Variants in EXOC6B observed in about 807,000 individuals in gnomAD.
The protein encoded by EXOC6B is exocyst complex component 6B, also known as SEC15 homolog B.
A neutral mutation model predicts 113.5 loss-of-function variants in EXOC6B; 54 were observed. The ratio of observed to expected loss-of-function variants is 0.48; its 90% confidence interval spans 0.38 to 0.60. The LOEUF (loss-of-function observed/expected upper bound fraction) is 0.60. Among genes scored for constraint, EXOC6B ranks in the 20% least tolerant of loss-of-function variants. EXOC6B has a pLI of 0.00. For missense variants in EXOC6B, 797 were observed against 977.5 expected, an observed-to-expected ratio of 0.82 and a Z score of 2.46; for synonymous variants, 357 against 339.0, an observed-to-expected ratio of 1.05 and a Z score of -0.58.
intron 18 of EXOC6B, chr2:72,463,097 T>A (rs189801244): frequency 2.0e-5 from 3 of 152,262 alleles, no homozygotes; most frequent in South Asian, 2.1e-4. Context: ...CATATTTTTT[T>A]AAAATATCAA....
Position 72,178,367 on chromosome 2 carries a change from C to T in EXOC6B, c.*968G>A, listed in dbSNP as rs568773208. The T allele has an allele frequency of 6.6e-6, 1 of 152,316 alleles. No individual in the cohort carries two copies. The highest frequency in any genetic ancestry group is 3.4e-3 in the Middle Eastern group (1 of 294). The allele number at this position is 152,316 out of a possible 1,614,324, so 9.4% of individuals were successfully genotyped here. A position where few individuals can be genotyped will look rare whatever the true frequency, so the allele number is the denominator to read the frequency against. On this transcript the variant is annotated 3_prime_UTR_variant, in exon 22 of 22. Transcript: ENST00000272427. ...AATCCCAACTAATCCTCAGGTTACA[C>T]CTAAGGGTAAGGTAAAGGCCATTTT...
chr2:72,505,406 T>C (rs892682026), intron 11 of EXOC6B, among the ~76,000 whole-genome samples: 1 of 152,152 alleles, frequency 6.6e-6, no homozygotes, highest in Non-Finnish European at 1.5e-5. Context: ...TGAGACTGTT[T>C]GAAGGTCCAT....
intron 6 of EXOC6B, among the ~76,000 whole-genome samples, chr2:72,700,836 A>T (rs892535018): frequency 2.0e-5 from 3 of 152,194 alleles, no homozygotes; most frequent in African/African-American, 7.2e-5. Flanking sequence ...CTGTAATCCC[A>T]GCTACTCGGG....
chr2:72,295,522 G>C (rs932157131), intron 20 of EXOC6B, among the ~76,000 whole-genome samples: 11 of 152,098 alleles, frequency 7.2e-5, no homozygotes, highest in Non-Finnish European at 1.5e-4. Context: ...TTTTTCTGTT[G>C]CAAGTACTGA....
At chr2:72,374,857 C>T (rs1691256424) in intron 19 of EXOC6B, among the ~76,000 whole-genome samples, 1 of 149,630 alleles carries the variant, frequency 6.7e-6, no homozygotes, top group Non-Finnish European at 1.5e-5. Context: ...TTATAAATCA[C>T]CTAACCAACC....
chr2:72,390,058 C>A (rs2105107285), intron 18 of EXOC6B, among the ~76,000 whole-genome samples: 1 of 152,226 alleles, frequency 6.6e-6, no homozygotes, highest in South Asian at 2.1e-4. Flanking sequence ...GCACCCCAGC[C>A]TGGGTGACAG....
chr2:72,737,233 A>C (rs780606295), intron 2 of EXOC6B, among the ~76,000 whole-genome samples: 15 of 152,068 alleles, frequency 9.9e-5, no homozygotes, highest in Non-Finnish European at 1.6e-4. Context: ...GCTACTTGAG[A>C]GGCTGAGGCA....
intron 8 of EXOC6B, chr2:72,515,658 G>A: frequency 2.0e-6 from 2 of 989,038 alleles, no homozygotes; most frequent in Non-Finnish European, 1.2e-6. Flanking sequence ...AAGATTCCTG[G>A]TGCACAGCCC....
In EXOC6B at chr2:72,586,718, C is replaced by T. The variant is rs112926026; in HGVS notation, c.670-11050G>A. ...AGTGAGCTGAGATCGCGCCACTGCA[C>T]GCTAGCCTGGCGGCAGAGCAAGACT... is the stretch of plus-strand genomic sequence containing the variant. On this transcript the variant is annotated intron_variant, in intron 6 of 21. Coordinates refer to ENST00000272427, the MANE Select transcript of EXOC6B (RefSeq NM_015189.3). Among the ~76,000 whole-genome samples the T allele has an allele frequency of 2.2e-4, 34 of 151,794 alleles. 2 individuals are homozygous for T. The highest frequency in any genetic ancestry group is 6.5e-4 in the African/African-American group (27 of 41,366).
chr2:72,344,886 G>GA (rs1417012542), intron 19 of EXOC6B, among the ~76,000 whole-genome samples: 2 of 151,980 alleles, frequency 1.3e-5, no homozygotes, highest in African/African-American at 4.8e-5. Flanking sequence ...CAGAGGAGCA[G>GA]GAGCAAACAA....
At chr2:72,377,102 C>A (rs1317151526) in intron 19 of EXOC6B, among the ~76,000 whole-genome samples, 1 of 152,026 alleles carries the variant, frequency 6.6e-6, no homozygotes, top group African/African-American at 2.4e-5. Flanking sequence ...TGAAAAGATG[C>A]TTGGAATCAC....
chr2:72,400,278 A>G (rs1693052052), intron 18 of EXOC6B, among the ~76,000 whole-genome samples: 1 of 152,188 alleles, frequency 6.6e-6, no homozygotes, highest in Non-Finnish European at 1.5e-5. Context: ...TACAAACATT[A>G]ACTTAAGATG....
chr2:72,353,375 T>C (rs1689775366), intron 19 of EXOC6B, among the ~76,000 whole-genome samples: 1 of 151,896 alleles, frequency 6.6e-6, no homozygotes, highest in Non-Finnish European at 1.5e-5. Context: ...TTGTATTGTA[T>C]TGTATCGTAT....
intron 8 of EXOC6B, among the ~76,000 whole-genome samples, chr2:72,535,500 T>C (rs1362008253): frequency 6.6e-6 from 1 of 152,170 alleles, no homozygotes; most frequent in Non-Finnish European, 1.5e-5. Context: ...AAAACCACTT[T>C]TTGTGTGGCC....
intron 6 of EXOC6B, among the ~76,000 whole-genome samples, chr2:72,663,711 G>T (rs939701957): frequency 1.1e-4 from 16 of 150,402 alleles, no homozygotes; most frequent in African/African-American, 3.9e-4. Context: ...GAGGGGGAGG[G>T]ATGAAGAGGT....
intron 20 of EXOC6B, among the ~76,000 whole-genome samples, chr2:72,298,938 T>C (rs1686324094): frequency 6.6e-6 from 1 of 152,274 alleles, no homozygotes; most frequent in South Asian, 2.1e-4. Context: ...ATTTCAACCT[T>C]GGTGAATCTG....
chr2:72,359,004 C>T (rs1251747193), intron 19 of EXOC6B, among the ~76,000 whole-genome samples: 1 of 152,116 alleles, frequency 6.6e-6, no homozygotes, highest in Non-Finnish European at 1.5e-5. Context: ...TACCATATGG[C>T]GGGCACTATG....
intron 18 of EXOC6B, among the ~76,000 whole-genome samples, chr2:72,453,065 C>T (rs1024288681): frequency 2.0e-5 from 3 of 152,104 alleles, no homozygotes; most frequent in Non-Finnish European, 4.4e-5. Context: ...GGAAAAGCAA[C>T]TAGTTTACTG....
At chr2:72,384,997 A>C (rs995453301) in intron 18 of EXOC6B, among the ~76,000 whole-genome samples, 2 of 152,134 alleles carry the variant, frequency 1.3e-5, no homozygotes, top group African/African-American at 2.4e-5. Flanking sequence ...TTTTCAAATA[A>C]TAGAATAAAT....
Sources: allele counts gnomAD v4.1 joint callset (sites outside exome capture counted in the v4.1 genomes callset), GRCh38; gene constraint gnomAD v4.1.1; transcripts MANE v1.5; gene names NCBI Gene and HGNC (gene_info 2026-07-23, HGNC 2026-07-21).